The following EPS15 variants were observed in gnomAD, a reference collection of about 807,000 sequenced individuals.
The protein encoded by EPS15 is epidermal growth factor receptor pathway substrate 15.
EPS15 carries 72 observed loss-of-function variants against 113.8 expected under a neutral mutation model. The observed-to-expected ratio is 0.63, with a 90% CI of 0.52 to 0.77. The LOEUF (loss-of-function observed/expected upper bound fraction) is 0.77. Among genes scored for constraint, EPS15 ranks in the 30% least tolerant of loss-of-function variants. The pLI is 0.00. For missense variants in EPS15, 1,048 were observed against 1,045.8 expected (o/e 1.00, Z -0.03); for synonymous variants, 344 against 363.4 (o/e 0.95, Z 0.61).
intron 12 of EPS15, among the ~76,000 whole-genome samples, chr1:51,439,189 T>C (rs1043423572): frequency 4.6e-5 from 7 of 152,074 alleles, no homozygotes; most frequent in Admixed American, 2.0e-4. Flanking sequence ...GATTATATCA[T>C]CTGAGCCTCA....
chr1:51,426,090 A>T (rs985400206), intron 12 of EPS15, among the ~76,000 whole-genome samples: 1 of 151,992 alleles, frequency 6.6e-6, no homozygotes, highest in African/African-American at 2.4e-5. Flanking sequence ...AGGTTACTAA[A>T]TACTAAATAC....
intron 8 of EPS15, chr1:51,459,255 G>A (rs1023680576): frequency 6.6e-6 from 1 of 152,270 alleles, no homozygotes; most frequent in Non-Finnish European, 1.5e-5. Flanking sequence ...CCAGCACTTT[G>A]GGAGGCTGAG....
intron 10 of EPS15, among the ~76,000 whole-genome samples, chr1:51,446,402 A>C (rs2148481231): frequency 6.6e-6 from 1 of 152,164 alleles, no homozygotes; most frequent in East Asian, 1.9e-4. Context: ...AATTGATATA[A>C]ACAGAAGCTG....
At chr1:51,389,473 A>G (rs1323860648) in intron 21 of EPS15, among the ~76,000 whole-genome samples, 1 of 152,258 alleles carries the variant, frequency 6.6e-6, no homozygotes, top group African/African-American at 2.4e-5. Context: ...GGCCAGGGCC[A>G]TTAGGCAGGA....
At chr1:51,386,411 T>C (rs1230770162) in intron 21 of EPS15, among the ~76,000 whole-genome samples, 1 of 152,210 alleles carries the variant, frequency 6.6e-6, no homozygotes, top group Non-Finnish European at 1.5e-5. Context: ...TAAGCTTCAC[T>C]GAGAAGGTGA....
chr1:51,354,297 G>A lies in EPS15; in HGVS notation c.*2403C>T, dbSNP rs115086897. 0.033 allele frequency: 5,839 copies of A among 177,940 alleles called. 158 individuals are homozygous for A. The highest frequency in any genetic ancestry group is 0.05 in the Non-Finnish European group (4,175 of 82,812). 11.0% of individuals were successfully genotyped at this position (177,940 alleles called of 1,614,324 possible). A position where few individuals can be genotyped will look rare whatever the true frequency, so the allele number is the denominator to read the frequency against. On this transcript the variant is annotated 3_prime_UTR_variant, in exon 25 of 25. Coordinates refer to ENST00000371733, the MANE Select transcript of EPS15 (RefSeq NM_001981.3). The stretch of plus-strand genomic sequence containing the variant: ...ACATTTATTATTTATTCTATACCAG[G>A]TGCTGTCCCAAACCCTTTACATATA...
At chr1:51,382,329 A>G (rs1646958780) in intron 21 of EPS15, 1 of 152,160 alleles carries the variant, frequency 6.6e-6, no homozygotes, top group Non-Finnish European at 1.5e-5. Flanking sequence ...AGCAGCACAT[A>G]TACTAAAACT....
intron 1 of EPS15, among the ~76,000 whole-genome samples, chr1:51,490,900 A>G (rs1644220981): frequency 6.6e-6 from 1 of 152,228 alleles, no homozygotes. Context: ...ACCAATGTCA[A>G]TTTCCTGTTT....
chr1:51,463,285 ATG>A (rs1654613661), intron 7 of EPS15: 2 of 154,084 alleles, frequency 1.3e-5, no homozygotes, highest in African/African-American at 4.8e-5. Flanking sequence ...AGAAGAATTT[ATG>A]ATTTCAGAGA....
At chr1:51,452,317 C>T (rs1209703820) in intron 8 of EPS15, among the ~76,000 whole-genome samples, 1 of 151,926 alleles carries the variant, frequency 6.6e-6, no homozygotes, top group Non-Finnish European at 1.5e-5. Flanking sequence ...AAGGCTCACT[C>T]TGTTGCCCAG....
chr1:51,415,625 C>T (rs1446459060), intron 13 of EPS15, among the ~76,000 whole-genome samples: 4 of 150,914 alleles, frequency 2.7e-5, no homozygotes, highest in African/African-American at 9.8e-5. Context: ...GGAAAAACCC[C>T]GTCTCTACTA....
intron 12 of EPS15, among the ~76,000 whole-genome samples, chr1:51,431,412 T>C (rs1487959012): frequency 1.3e-5 from 2 of 151,688 alleles, no homozygotes; most frequent in African/African-American, 4.8e-5. Context: ...GGTCCCAAAA[T>C]CAGATGGTTC....
intron 5 of EPS15, 39 bp downstream of exon 5, chr1:51,468,434 A>T (rs761441630): frequency 2.2e-6 from 3 of 1,370,662 alleles, no homozygotes; most frequent in Admixed American, 3.4e-5. Flanking sequence ...GTCACTTTTT[A>T]AAAATTAAAT....
At chr1:51,371,728 G>T (rs985272718) in intron 21 of EPS15, among the ~76,000 whole-genome samples, 1 of 152,082 alleles carries the variant, frequency 6.6e-6, no homozygotes, top group Non-Finnish European at 1.5e-5. Flanking sequence ...TTAGTGTAGT[G>T]CAAGTGTACA....
At chr1:51,479,342 T>C (rs760915678) in intron 2 of EPS15, among the ~76,000 whole-genome samples, 2 of 152,244 alleles carry the variant, frequency 1.3e-5, no homozygotes, top group Non-Finnish European at 2.9e-5. Context: ...TTTATTCTAA[T>C]TAGCCATTCG....
At chr1:51,406,566 T>TA (rs1380502434) in intron 15 of EPS15, among the ~76,000 whole-genome samples, 8 of 152,232 alleles carry the variant, frequency 5.3e-5, no homozygotes, top group Admixed American at 3.3e-4. Flanking sequence ...CTACGTGACT[T>TA]AGAGAAAAGA....
chr1:51,462,870 A>ATTTTTTTTTTTT lies in EPS15; in HGVS notation c.501+791_501+802dup, dbSNP rs34320767. On this transcript the variant is annotated intron_variant, in intron 7 of 24. Coordinates refer to ENST00000371733, the MANE Select transcript of EPS15 (RefSeq NM_001981.3). The stretch of plus-strand genomic sequence containing the variant: ...AAAAGAGGAAAAGTAAAAAAGTCAG[A>ATTTTTTTTTTTT]TTTTTTTTTTTTTTTTTTTTTTTTT... 1.5e-3 allele frequency among the ~76,000 whole-genome samples: 165 copies of ATTTTTTTTTTTT among 111,062 alleles called. 3 individuals carry two copies. The highest frequency in any genetic ancestry group is 3.7e-3 in the African/African-American group (102 of 27,944). 72.9% of individuals were successfully genotyped at this position (111,062 alleles called of 152,430 possible).
At chr1:51,418,997 C>G (rs1650500060) in intron 13 of EPS15, among the ~76,000 whole-genome samples, 1 of 152,056 alleles carries the variant, frequency 6.6e-6, no homozygotes. Flanking sequence ...TATCTGTTGA[C>G]TACTCAGAAG....
chr1:51,401,176 G>T, intron 18 of EPS15: 1 of 380,172 alleles, frequency 2.6e-6, no homozygotes, highest in African/African-American at 2.1e-5. Context: ...AGACATTACA[G>T]CAAAAATTTT....
Sources: allele counts gnomAD v4.1 joint callset (sites outside exome capture counted in the v4.1 genomes callset), GRCh38; gene constraint gnomAD v4.1.1; transcripts MANE v1.5; gene names NCBI Gene and HGNC (gene_info 2026-07-23, HGNC 2026-07-21).